Variants in TUT1 observed in about 807,000 individuals in gnomAD.
TUT1 encodes terminal uridylyl transferase 1, U6 snRNA-specific.
In TUT1, 26 loss-of-function variants were observed where a neutral mutation model predicts 48.8. The ratio of observed to expected loss-of-function variants is 0.53; its 90% CI spans 0.39 to 0.74. The LOEUF (loss-of-function observed/expected upper bound fraction) is 0.74, where lower values mean the gene tolerates loss of function less well. Ranked by LOEUF, TUT1 falls within the 30% of genes least tolerant of loss-of-function variation. The pLI, the probability that TUT1 is intolerant of heterozygous loss-of-function variation, is 0.00. For synonymous variants in TUT1, 470 were observed against 460.8 expected, an observed-to-expected ratio of 1.02 and a Z score of -0.26; for missense variants, 1,065 against 1,114.8, an observed-to-expected ratio of 0.96 and a Z score of 0.64.
chr11:62,582,579 G>C (rs1941848135), intron 2 of TUT1: 2 of 455,402 alleles, frequency 4.4e-6, no homozygotes, highest in Admixed American at 4.7e-5. Context: ...ACCAGCCTGA[G>C]AGACAGCGAG....
chr11:62,579,065 G>T, intron 4 of TUT1, 35 bp from the exon 5 acceptor site: 1 of 1,439,264 alleles, frequency 6.9e-7, no homozygotes, highest in Non-Finnish European at 9.2e-7. Context: ...AAATGTTTCT[G>T]CTGTTCCCTA....
At chr11:62,576,457 C>T (rs1941729602) in intron 8 of TUT1, 200 bp downstream of exon 8, 1 of 786,788 alleles carries the variant, frequency 1.3e-6, no homozygotes, top group East Asian at 2.7e-5. Context: ...GCTGCTGCTC[C>T]TTGCTAGCCA....
intron 2 of TUT1, among the ~76,000 whole-genome samples, chr11:62,585,192 C>T (rs770876455): frequency 6.6e-6 from 1 of 152,148 alleles, no homozygotes; most frequent in African/African-American, 2.4e-5. Context: ...GTGATTATAG[C>T]TCACTGTAGC....
chr11:62,579,181 TA>T, intron 4 of TUT1, 151 bp from the exon 5 acceptor site: 8 of 500,418 alleles, frequency 1.6e-5, no homozygotes, highest in East Asian at 7.1e-5. Flanking sequence ...TTTTTTTTTT[TA>T]AAGATAACCT....
At chr11:62,577,096 C>T in intron 6 of TUT1, 79 bp from the exon 7 acceptor site, 3 of 1,576,748 alleles carry the variant, frequency 1.9e-6, no homozygotes. Flanking sequence ...AACCCCGGTG[C>T]CCATTCTGAC....
chr11:62,575,245 T>G lies in TUT1; in HGVS notation c.2474A>C (p.Glu825Ala), dbSNP rs1211093925. The G allele has an allele frequency of 3.7e-6, 6 of 1,614,180 alleles. No individual in the cohort carries two copies. Among genetic ancestry groups the G allele is most frequent in the Non-Finnish European group, 4.2e-6 (5 of 1,180,006 alleles). Reference protein sequence around the residue: ...KGLSGGEERPETEPLLSFVAS... With the variant: ...KGLSGGEERPATEPLLSFVAS... ...CACAAAGCTCAGCAGGGGCTCAGTT[T>G]CTGGCCTCTCTTCGCCACCACTCAG... Residue 825 changes from glutamate to alanine, a missense_variant, in exon 9 of 9, where the codon GAA becomes GCA. By Grantham distance (107) the Glu-to-Ala change is moderately radical. Transcript: ENST00000476907.
chr11:62,575,549 G>GGGCT lies in TUT1; in HGVS notation c.2166_2169dup (p.Pro724SerfsTer22), dbSNP rs1941707311. On this transcript the variant is annotated frameshift_variant, in exon 9 of 9. Transcript: ENST00000476907. LOFTEE classifies it low-confidence loss of function (END_TRUNC). The stretch of plus-strand genomic sequence containing the variant: ...TGGCTGGGCTGCCCCTCTTCTCCAG[G>GGGCT]GGCTCCATGCTTTCCAGTGGTCAGG... The GGGCT allele has an allele frequency of 3.7e-6, 6 of 1,613,784 alleles. No homozygotes were observed. The highest frequency in any genetic ancestry group is 5.1e-6 in the Non-Finnish European group (6 of 1,180,016).
rs1448182445 is a variant in TUT1, at chr11:62,581,151, A to G, written c.645T>C (p.Cys215=). 1 of 1,614,060 alleles carries G rather than the reference A, an allele frequency of 6.2e-7. No individual in the cohort carries two copies. Among genetic ancestry groups the G allele is most frequent in the Admixed American group, 1.7e-5 (1 of 59,996 alleles). The part of the protein sequence containing the change: ...SSINSFDVHG[C]DLDLFLDLGD... The stretch of plus-strand genomic sequence containing the variant: ...CCAGATCCAAGAAGAGGTCAAGATC[A>G]CAGCCATGGACATCGAAGCTATTTA... Residue 215 remains cysteine (C), a synonymous_variant, in exon 4 of 9, where the codon TGT becomes TGC. Transcript: ENST00000476907.
intron 2 of TUT1, among the ~76,000 whole-genome samples, chr11:62,582,989 G>A (rs1401350837): frequency 1.3e-5 from 2 of 151,940 alleles, no homozygotes; most frequent in Non-Finnish European, 2.9e-5. Flanking sequence ...TTAGCCAGGC[G>A]TGGTGGTGGG....
intron 2 of TUT1, among the ~76,000 whole-genome samples, chr11:62,586,221 A>G (rs1306492662): frequency 6.6e-6 from 1 of 152,252 alleles, no homozygotes; most frequent in Non-Finnish European, 1.5e-5. Flanking sequence ...AGGGCTTATT[A>G]TAAACTAAGC....
intron 8 of TUT1, 47 bp from the exon 9 acceptor site, chr11:62,576,291 G>C: frequency 1.4e-6 from 2 of 1,479,764 alleles, no homozygotes; most frequent in African/African-American, 1.4e-5. Flanking sequence ...TTAGAGGCCA[G>C]AACTGATACA....
At position 62,577,025 on chromosome 11, in the gene TUT1, A is replaced by C; in HGVS notation, c.1271-8T>G. ...TGAGAAGGGGGCCACTCCCTGGGTAAATAAGCAATAATTCCGGTTAGATCA... is the reference window on the plus strand; with the variant it reads ...TGAGAAGGGGGCCACTCCCTGGGTACATAAGCAATAATTCCGGTTAGATCA... On this transcript the variant is annotated splice_region_variant and splice_polypyrimidine_tract_variant and intron_variant, in intron 6 of 8. Coordinates refer to ENST00000476907, the MANE Select transcript of TUT1 (RefSeq NM_022830.3). The C allele has an allele frequency of 1.2e-6, 2 of 1,612,622 alleles. No individual in the cohort carries two copies. Among genetic ancestry groups the C allele is most frequent in the Non-Finnish European group, 1.7e-6 (2 of 1,178,780 alleles).
chr11:62,581,646 G>A lies in TUT1; in HGVS notation c.329C>T (p.Ser110Leu). 1 of 1,523,828 alleles carries A rather than the reference G, an allele frequency of 6.6e-7. No individual in the cohort carries two copies. The highest frequency in any genetic ancestry group is 8.8e-7 in the Non-Finnish European group (1 of 1,135,074). The allele number at this position is 1,523,828 out of a possible 1,614,324, so 94.4% of individuals were successfully genotyped here. A position where few individuals can be genotyped will look rare whatever the true frequency, so the allele number is the denominator to read the frequency against. The change falls in exon 3 of 9, where the codon TCA becomes TTA. Residue 110 changes from serine (S) to leucine (L), a missense_variant. Transcript: ENST00000476907. ...GDVGAREAVL[S>L]QSQHSLGGHR... ...TCCTCCCAGGCTGTGCTGGGACTGTGACAAGACAGCCTCTCGAGCACCCAC... is the reference window on the plus strand; with the variant it reads ...TCCTCCCAGGCTGTGCTGGGACTGTAACAAGACAGCCTCTCGAGCACCCAC...
rs2134308538 is a variant in TUT1 at position 62,581,378 on chromosome 11, T to C, written c.589+8A>G. ...GAGGGCTCAGACATAGTAGGGGAGG[T>C]AACTTACCAGGGAAGAACTCTGTGA... On this transcript the variant is annotated splice_region_variant and intron_variant, in intron 3 of 8. Transcript: ENST00000476907. 6.3e-7 allele frequency: 1 copy of C among 1,588,770 alleles called. No homozygotes were observed. The highest frequency in any genetic ancestry group is 2.2e-5 in the East Asian group (1 of 44,630).
chr11:62,578,683 G>A lies in TUT1; in HGVS notation c.1038C>T (p.Ser346=). ...CCCCAGGGACACAGCCCCGGAGAAT[G>A]GATCCCACCAGCTCCAGCATTGCTG... ...EGAAMLELVG[S]ILRGCVPGVY... The change falls in exon 5 of 9, where the codon TCC becomes TCT. Residue 346 remains serine (S), a synonymous_variant. Transcript: ENST00000476907. The A allele has an allele frequency of 1.2e-6, 2 of 1,614,238 alleles. No individual in the cohort carries two copies. The highest frequency in any genetic ancestry group is 1.7e-6 in the Non-Finnish European group (2 of 1,180,052).
intron 1 of TUT1, 94 bp downstream of exon 1, chr11:62,591,310 A>C: frequency 6.9e-7 from 1 of 1,440,550 alleles, no homozygotes; most frequent in Non-Finnish European, 9.1e-7. Flanking sequence ...TCAACTTGAC[A>C]AGAACGACTG....
intron 8 of TUT1, 165 bp from the exon 9 acceptor site, chr11:62,576,409 C>G: frequency 1.1e-6 from 1 of 911,822 alleles, no homozygotes; most frequent in Non-Finnish European, 1.6e-6. Context: ...AGAGGTCAAA[C>G]CTCTCTCCCT....
chr11:62,578,446 G>C, intron 5 of TUT1, 115 bp downstream of exon 5: 1 of 988,012 alleles, frequency 1.0e-6, no homozygotes, highest in Non-Finnish European at 1.5e-6. Context: ...TTGGGAGGCT[G>C]AGGCAGGAGA....
chr11:62,585,079 C>A (rs1210657802), intron 2 of TUT1, among the ~76,000 whole-genome samples: 1 of 152,156 alleles, frequency 6.6e-6, no homozygotes, highest in Non-Finnish European at 1.5e-5. Flanking sequence ...ACCTCAGCCT[C>A]CCAAAGTGCT....
Sources: gnomAD v4.1 joint callset for allele counts (sites outside exome capture counted in the v4.1 genomes callset) on GRCh38, gnomAD v4.1.1 for gene constraint, MANE v1.5 for transcripts, NCBI Gene and HGNC (gene_info 2026-07-23, HGNC 2026-07-21) for gene names.